ANXA6: variants seen among roughly 807,000 people sequenced by gnomAD.
The protein encoded by ANXA6 is annexin A6.
Under a neutral mutation model 95.4 loss-of-function variants are expected in ANXA6, and 71 were observed. The ratio of observed to expected loss-of-function variants is 0.74; its 90% CI spans 0.61 to 0.91. ANXA6 has a LOEUF of 0.91. Among genes scored for constraint, ANXA6 ranks in the 40% least tolerant of loss-of-function variants. The pLI is 0.00. For synonymous variants in ANXA6, 289 were observed against 315.9 expected (o/e 0.91, Z 0.90); for missense variants, 830 against 876.4 (o/e 0.95, Z 0.67).
intron 19 of ANXA6, 72 bp from the exon 20 acceptor site, chr5:151,117,252 C>T: frequency 1.4e-6 from 2 of 1,425,950 alleles, no homozygotes; most frequent in Non-Finnish European, 1.9e-6. Context: ...CACCACACAC[C>T]CTGCTCATTT....
intron 1 of ANXA6, among the ~76,000 whole-genome samples, chr5:151,156,440 G>A (rs767975283): frequency 6.6e-6 from 1 of 152,206 alleles, no homozygotes; most frequent in South Asian, 2.1e-4. Flanking sequence ...AGGGTCCACA[G>A]GGGCTGAAAC....
intron 20 of ANXA6, among the ~76,000 whole-genome samples, chr5:151,114,613 T>TAAAAAAAAAAAAAAAAAAA (rs61407672): frequency 2.8e-5 from 2 of 70,314 alleles, no homozygotes; most frequent in East Asian, 5.0e-4. Context: ...GACTCCGTCT[T>TAAAAAAAAAAAAAAAAAAA]AAAAAAAAAA....
rs1301146471 is a variant in ANXA6, at chr5:151,122,990, A to T, written c.1160T>A (p.Ile387Asn). Residue 387 changes from isoleucine (I) to asparagine (N), a missense_variant, in exon 16 of 26, where the codon ATC (isoleucine) becomes AAC (asparagine). By Grantham distance (149) the Ile-to-Asn change is moderately radical. Coordinates refer to ENST00000354546, the MANE Select transcript of ANXA6 (RefSeq NM_001155.5). ...KGLGTDEDTI[I>N]DIITHRSNVQ... ...ATTGCTGCGGTGCGTGATGATATCGATGATTGTGTCTTCGTCAGTCCCTGA... is the reference window on the plus strand; with the variant it reads ...ATTGCTGCGGTGCGTGATGATATCGTTGATTGTGTCTTCGTCAGTCCCTGA... 1.9e-6 allele frequency: 3 copies of T among 1,613,668 alleles called. No individual in the cohort carries two copies. Among genetic ancestry groups the T allele is most frequent in the Non-Finnish European group, 2.5e-6 (3 of 1,179,880 alleles).
chr5:151,150,457 T>C (rs535988701), intron 1 of ANXA6, among the ~76,000 whole-genome samples: 4 of 152,228 alleles, frequency 2.6e-5, no homozygotes, highest in Admixed American at 6.5e-5. Context: ...TGATATTTAC[T>C]GTGCTGGTGG....
chr5:151,129,265 G>A (rs1765420574), intron 12 of ANXA6, 142 bp downstream of exon 12: 13 of 1,048,294 alleles, frequency 1.2e-5, no homozygotes, highest in South Asian at 6.8e-5. Flanking sequence ...TTCCTTGAAT[G>A]AGCCACAAGG....
chr5:151,129,546 T>C lies in ANXA6; in HGVS notation c.796-17A>G, dbSNP rs1765434444. On this transcript the variant is annotated splice_polypyrimidine_tract_variant and intron_variant, in intron 11 of 25. Coordinates refer to ENST00000354546, the MANE Select transcript of ANXA6 (RefSeq NM_001155.5). ...CCCCAGGCCCTGCAAGACAAGTGGG[T>C]TTGGGGAACATGGACTTGAGAGGAG... 1.3e-6 allele frequency: 2 copies of C among 1,590,176 alleles called. No homozygotes were observed. Among genetic ancestry groups the C allele is most frequent in the East Asian group, 4.6e-5 (2 of 43,924 alleles).
intron 24 of ANXA6, among the ~76,000 whole-genome samples, chr5:151,104,762 G>A (rs41290565): frequency 0.076 from 11,532 of 152,266 alleles, 545 homozygotes; most frequent in South Asian, 0.14. Context: ...AGAGGGGAGC[G>A]CTTGTGACCT....
At chr5:151,131,161 C>G (rs1030865795) in intron 11 of ANXA6, 70 bp downstream of exon 11, 2 of 1,539,176 alleles carry the variant, frequency 1.3e-6, no homozygotes, top group African/African-American at 1.4e-5. Flanking sequence ...GCCACTGGAT[C>G]CCAAGGACTT....
At chr5:151,146,170 G>T (rs765391557) in intron 2 of ANXA6, among the ~76,000 whole-genome samples, 5 of 152,210 alleles carry the variant, frequency 3.3e-5, no homozygotes, top group Non-Finnish European at 5.9e-5. Context: ...ACTGGACCAA[G>T]GTCCAAAGAT....
intron 18 of ANXA6, among the ~76,000 whole-genome samples, chr5:151,118,510 T>G (rs1458333235): frequency 2.0e-5 from 3 of 152,118 alleles, no homozygotes; most frequent in Admixed American, 1.3e-4. Context: ...ATCGGCTCAC[T>G]GCAACCTCTG....
chr5:151,140,259 T>C lies in ANXA6; in HGVS notation c.19-16A>G. 6 of 1,612,250 alleles carry C rather than the reference T, an allele frequency of 3.7e-6. No homozygotes were observed. Among genetic ancestry groups the C allele is most frequent in the Non-Finnish European group, 5.1e-6 (6 of 1,178,634 alleles). ...ACTTGGCACCCTGTGGAGAAAAAAG[T>C]AGAGGGTGAGCTGCCAACCCCGGAC... On this transcript the variant is annotated splice_polypyrimidine_tract_variant and intron_variant, in intron 2 of 25. Transcript: ENST00000354546.
chr5:151,115,459 G>A (rs181226718), intron 20 of ANXA6, among the ~76,000 whole-genome samples: 4 of 152,212 alleles, frequency 2.6e-5, no homozygotes, highest in East Asian at 1.9e-4. Context: ...CTCCTTTTGC[G>A]AAGCAGCTGT....
At chr5:151,106,709 A>G (rs949227410) in intron 23 of ANXA6, among the ~76,000 whole-genome samples, 2 of 152,142 alleles carry the variant, frequency 1.3e-5, no homozygotes, top group African/African-American at 4.8e-5. Context: ...CAGTCATGAC[A>G]TCACCTCCAG....
In ANXA6 at chr5:151,154,295, G is replaced by GTATATATA. The variant is rs58268342; in HGVS notation, c.-26+3377_-26+3384dup. On this transcript the variant is annotated intron_variant, in intron 1 of 25. Transcript: ENST00000354546. Reference sequence around the variant, plus strand: ...AGGTGATGTCATATGGCAGTTTGCAGTATATATATATATATATATATATAT... The same window carrying GTATATATA: ...AGGTGATGTCATATGGCAGTTTGCAGTATATATATATATATATATATATATATATATAT... Among the ~76,000 whole-genome samples, 357 of 138,912 alleles carry GTATATATA rather than the reference G, an allele frequency of 2.6e-3. 1 individual carries two copies. Among genetic ancestry groups the GTATATATA allele is most frequent in the Middle Eastern group, 3.9e-3 (1 of 254 alleles). 91.1% of individuals were successfully genotyped at this position (138,912 alleles called of 152,430 possible). A position where few individuals can be genotyped will look rare whatever the true frequency, so the allele number is the denominator to read the frequency against.
chr5:151,132,014 G>A (rs1234319804), intron 10 of ANXA6, among the ~76,000 whole-genome samples: 2 of 152,066 alleles, frequency 1.3e-5, no homozygotes, highest in Non-Finnish European at 1.5e-5. Flanking sequence ...ACATCCTCAC[G>A]TTCTCAGTAC....
At chr5:151,117,522 AACAAGCCAGG>A (rs1765035590) in intron 19 of ANXA6, among the ~76,000 whole-genome samples, 2 of 152,186 alleles carry the variant, frequency 1.3e-5, no homozygotes, top group Admixed American at 6.5e-5. Flanking sequence ...CTGGGGGCCC[AACAAGCCAGG>A]ACAAGGGCCA....
chr5:151,110,450 C>G (rs567770035), intron 21 of ANXA6, among the ~76,000 whole-genome samples, 177 bp downstream of exon 21: 1 of 152,186 alleles, frequency 6.6e-6, no homozygotes, highest in African/African-American at 2.4e-5. Context: ...AGATGATTAG[C>G]TGAAGTTTGG....
At chr5:151,103,796 A>C in intron 24 of ANXA6, 104 bp from the exon 25 acceptor site, 2 of 1,341,182 alleles carry the variant, frequency 1.5e-6, no homozygotes, top group Non-Finnish European at 2.0e-6. Context: ...TGTTCCTTCC[A>C]AAAACAGGGC....
chr5:151,155,299 G>C, intron 1 of ANXA6: 1 of 152,178 alleles, frequency 6.6e-6, no homozygotes, highest in East Asian at 1.9e-4. Context: ...AGAGGAACTT[G>C]AGGCTCAGGT....
Sources: allele counts gnomAD v4.1 joint callset (sites outside exome capture counted in the v4.1 genomes callset), GRCh38; gene constraint gnomAD v4.1.1; transcripts MANE v1.5; gene names NCBI Gene and HGNC (gene_info 2026-07-23, HGNC 2026-07-21).